Variants in NRXN3 observed in about 807,000 individuals in gnomAD.
NRXN3 encodes neurexin 3.
A neutral mutation model predicts 137.6 loss-of-function variants in NRXN3; 32 were observed. The observed-to-expected ratio is 0.23, with a 90% CI of 0.18 to 0.31. The LOEUF (loss-of-function observed/expected upper bound fraction) is 0.31, where lower values mean the gene tolerates loss of function less well. NRXN3 is among the 10% of genes least tolerant of loss of function. The pLI, the probability that NRXN3 is intolerant of heterozygous loss-of-function variation, is 1.00. For synonymous variants in NRXN3, 798 were observed against 784.5 expected, an observed-to-expected ratio of 1.02 and a Z score of -0.29; for missense variants, 1,574 against 2,062.5, an observed-to-expected ratio of 0.76 and a Z score of 4.59.
At chr14:79,748,662 G>A (rs1345240338) in intron 19 of NRXN3, among the ~76,000 whole-genome samples, 1 of 152,082 alleles carries the variant, frequency 6.6e-6, no homozygotes, top group East Asian at 1.9e-4. Context: ...GCTCAATAAA[G>A]AAGAGGCCAG....
At position 78,668,926 on chromosome 14, in the gene NRXN3, A is replaced by ATCTG. The variant is rs1555428789; in HGVS notation, c.1221+17603_1221+17604insGTCT. Among the ~76,000 whole-genome samples the ATCTG allele has an allele frequency of 2.0e-4, 30 of 146,890 alleles. No homozygotes were observed. The East Asian group carries it at 3.9e-3, about 19-fold the overall frequency. On this transcript the variant is annotated intron_variant, in intron 6 of 20. Coordinates refer to ENST00000335750, the MANE Select transcript of NRXN3 (RefSeq NM_001330195.2). The stretch of plus-strand genomic sequence containing the variant: ...TAATGCAACATATTAAACTCTATCT[A>ATCTG]TCTATCTGTCTGTCTGTCTGTCTGT...
intron 15 of NRXN3, among the ~76,000 whole-genome samples, chr14:79,346,651 C>T (rs1337868020): frequency 6.6e-6 from 1 of 152,138 alleles, no homozygotes; most frequent in African/African-American, 2.4e-5. Flanking sequence ...ATCACATTAA[C>T]TTTCCTGTTC....
chr14:78,456,688 G>A (rs2094712043), intron 4 of NRXN3, among the ~76,000 whole-genome samples: 1 of 151,616 alleles, frequency 6.6e-6, no homozygotes, highest in Non-Finnish European at 1.5e-5. Flanking sequence ...CCTTATCCTA[G>A]CCCATGGGAG....
At chr14:79,662,270 TAAAG>T (rs991955829) in intron 16 of NRXN3, among the ~76,000 whole-genome samples, 1 of 152,136 alleles carries the variant, frequency 6.6e-6, no homozygotes, top group Non-Finnish European at 1.5e-5. Context: ...TTTGGAAAAC[TAAAG>T]AAATTGAGCA....
chr14:79,027,861 C>A (rs867469273), intron 15 of NRXN3, among the ~76,000 whole-genome samples: 1 of 152,166 alleles, frequency 6.6e-6, no homozygotes, highest in Non-Finnish European at 1.5e-5. Context: ...CCTCTTCCCC[C>A]ACAAAATGTG....
chr14:78,890,251 G>A (rs948644738), intron 10 of NRXN3, among the ~76,000 whole-genome samples: 2 of 151,944 alleles, frequency 1.3e-5, no homozygotes, highest in Admixed American at 6.6e-5. Context: ...AATTATACAA[G>A]AGCATCAGAA....
intron 15 of NRXN3, among the ~76,000 whole-genome samples, chr14:79,459,335 G>A (rs1391549823): frequency 1.3e-5 from 2 of 152,034 alleles, no homozygotes; most frequent in Non-Finnish European, 2.9e-5. Context: ...TTCATCGGGA[G>A]TGGGCTATTT....
chr14:79,503,753 T>C (rs1373196545), intron 16 of NRXN3, among the ~76,000 whole-genome samples: 1 of 152,174 alleles, frequency 6.6e-6, no homozygotes, highest in East Asian at 1.9e-4. Context: ...CTCATAGACC[T>C]TCTGGGACAT....
At chr14:79,185,873 A>G (rs2063488394) in intron 15 of NRXN3, among the ~76,000 whole-genome samples, 1 of 152,150 alleles carries the variant, frequency 6.6e-6, no homozygotes, top group African/African-American at 2.4e-5. Context: ...TTCTAGATTA[A>G]AAAATACTCA....
At chr14:78,468,069 GC>G (rs2095165772) in intron 4 of NRXN3, among the ~76,000 whole-genome samples, 1 of 152,022 alleles carries the variant, frequency 6.6e-6, no homozygotes, top group African/African-American at 2.4e-5. Flanking sequence ...GATTACAGGG[GC>G]CCGCCACCAT....
At chr14:78,879,100 A>T (rs2099121272) in intron 10 of NRXN3, among the ~76,000 whole-genome samples, 1 of 152,054 alleles carries the variant, frequency 6.6e-6, no homozygotes, top group Non-Finnish European at 1.5e-5. Context: ...TTCCATTTCC[A>T]TTTATGTGTC....
At chr14:78,763,820 T>C (rs895325807) in intron 8 of NRXN3, among the ~76,000 whole-genome samples, 1 of 152,194 alleles carries the variant, frequency 6.6e-6, no homozygotes, top group Non-Finnish European at 1.5e-5. Context: ...AAGGATTCTA[T>C]TGGGTGCAAG....
intron 19 of NRXN3, among the ~76,000 whole-genome samples, chr14:79,776,164 C>A (rs2139968513): frequency 6.6e-6 from 1 of 152,268 alleles, no homozygotes; most frequent in Non-Finnish European, 1.5e-5. Context: ...TTACTTCTCT[C>A]CACTGTTACT....
chr14:78,317,272 C>A (rs1216534956), intron 4 of NRXN3, among the ~76,000 whole-genome samples: 1 of 152,144 alleles, frequency 6.6e-6, no homozygotes. Context: ...AGGCTGTGGA[C>A]CAGTGGTGGT....
At chr14:78,973,143 G>T (rs1033289989) in intron 14 of NRXN3, among the ~76,000 whole-genome samples, 1 of 152,122 alleles carries the variant, frequency 6.6e-6, no homozygotes, top group Non-Finnish European at 1.5e-5. Flanking sequence ...TTCCATTTTG[G>T]GGGGTACCAA....
intron 4 of NRXN3, among the ~76,000 whole-genome samples, chr14:78,468,049 G>A (rs2095164928): frequency 6.6e-6 from 1 of 152,072 alleles, no homozygotes; most frequent in Non-Finnish European, 1.5e-5. Context: ...TCAGCCTCCT[G>A]AGTAGCTGCG....
intron 15 of NRXN3, among the ~76,000 whole-genome samples, chr14:79,055,134 G>A (rs1055545532): frequency 1.3e-5 from 2 of 152,168 alleles, no homozygotes; most frequent in Admixed American, 1.3e-4. Flanking sequence ...TTAGGCGTTA[G>A]CTGTCTCTAT....
intron 15 of NRXN3, among the ~76,000 whole-genome samples, chr14:79,284,345 T>TATATATATAC (rs2081851501): frequency 2.3e-5 from 1 of 42,858 alleles, no homozygotes; most frequent in Non-Finnish European, 4.4e-5. Flanking sequence ...TAAAAATACA[T>TATATATATAC]ATATATATAT....
chr14:79,705,557 AC>A (rs1465035414), intron 19 of NRXN3, among the ~76,000 whole-genome samples: 1 of 151,304 alleles, frequency 6.6e-6, no homozygotes, highest in East Asian at 1.9e-4. Context: ...GTTTTAGCAA[AC>A]CCCCGTTAAA....
Sources: allele counts gnomAD v4.1 joint callset (sites outside exome capture counted in the v4.1 genomes callset), GRCh38; gene constraint gnomAD v4.1.1; transcripts MANE v1.5; gene names NCBI Gene and HGNC (gene_info 2026-07-23, HGNC 2026-07-21).